Variants in YIPF2 observed in about 807,000 individuals in gnomAD.
The protein encoded by YIPF2 is protein YIPF2.
A neutral mutation model predicts 38.8 loss-of-function variants in YIPF2; 30 were observed. The ratio of observed to expected loss-of-function variants is 0.77; its 90% CI spans 0.58 to 1.05. YIPF2 has a LOEUF of 1.05. Ranked by LOEUF, YIPF2 falls within the 50% of genes least tolerant of loss-of-function variation. The pLI is 0.00. For synonymous variants in YIPF2, 194 were observed against 183.8 expected (o/e 1.06, Z -0.45); for missense variants, 401 against 409.7 (o/e 0.98, Z 0.18).
intron 2 of YIPF2, 137 bp from the exon 3 acceptor site, chr19:10,928,096 C>T: frequency 7.6e-7 from 1 of 1,319,694 alleles, no homozygotes; most frequent in South Asian, 1.4e-5. Context: ...GGCCCAACTT[C>T]CTCAGTTTGG....
intron 5 of YIPF2, 80 bp from the exon 6 acceptor site, chr19:10,924,272 T>A: frequency 7.5e-7 from 1 of 1,332,208 alleles, no homozygotes; most frequent in Non-Finnish European, 1.0e-6. Flanking sequence ...TGAGCTGTGC[T>A]GAGACCCCAG....
rs895714221 is a variant in YIPF2 at position 10,922,951 on chromosome 19, G to C, written c.*243C>G. 2 of 204,360 alleles carry C rather than the reference G, an allele frequency of 9.8e-6. No homozygotes were observed. Among genetic ancestry groups the C allele is most frequent in the African/African-American group, 2.4e-5 (1 of 42,152 alleles). The allele number at this position is 204,360 out of a possible 1,614,324, so 12.7% of individuals were successfully genotyped here. ...CCATAGGAGGGAAAGCAGGTGGCCCGGGGGGGATATGGGGGCCCCAGCCCT... is the reference window on the plus strand; with the variant it reads ...CCATAGGAGGGAAAGCAGGTGGCCCCGGGGGGATATGGGGGCCCCAGCCCT... On this transcript the variant is annotated 3_prime_UTR_variant, in exon 10 of 10. Coordinates refer to ENST00000586748, the MANE Select transcript of YIPF2 (RefSeq NM_001321439.2).
chr19:10,927,111 G>A lies in YIPF2; in HGVS notation c.279+519C>T, dbSNP rs561405827. On this transcript the variant is annotated intron_variant, in intron 4 of 9. Coordinates refer to ENST00000586748, the MANE Select transcript of YIPF2 (RefSeq NM_001321439.2). The stretch of plus-strand genomic sequence containing the variant: ...TGGTCTCAAACTCCTGACCTCAGGT[G>A]ATCCACCCACCCAGGCCTCTCAAAG... 1.2e-3 allele frequency among the ~76,000 whole-genome samples: 184 copies of A among 152,228 alleles called. 4 individuals carry two copies. In the South Asian group the frequency reaches 0.037, roughly 31 times the overall value.
rs1937949252 is a variant in YIPF2 at position 10,922,522 on chromosome 19, G to A, written c.*672C>T. 6.7e-6 allele frequency: 1 copy of A among 150,212 alleles called. No homozygotes were observed. Among genetic ancestry groups the A allele is most frequent in the Non-Finnish European group, 1.5e-5 (1 of 67,572 alleles). 9.3% of individuals were successfully genotyped at this position (150,212 alleles called of 1,614,324 possible). On this transcript the variant is annotated 3_prime_UTR_variant, in exon 10 of 10. Coordinates refer to ENST00000586748, the MANE Select transcript of YIPF2 (RefSeq NM_001321439.2). ...GTGGCTGCAGGCCTTGGGCCCGGAG[G>A]GAAGGCCACTGCCGGCCACTTGGGG...
intron 4 of YIPF2, among the ~76,000 whole-genome samples, chr19:10,926,868 T>C (rs1599726774): frequency 1.3e-5 from 2 of 151,602 alleles, no homozygotes; most frequent in Non-Finnish European, 1.5e-5. Flanking sequence ...TTTTATTTTA[T>C]TTATCTTATT....
chr19:10,925,657 C>G, intron 5 of YIPF2, 29 bp downstream of exon 5: 1 of 1,613,410 alleles, frequency 6.2e-7, no homozygotes, highest in Non-Finnish European at 8.5e-7. Context: ...AGTGATCCAT[C>G]AAGGAACCAA....
intron 4 of YIPF2, among the ~76,000 whole-genome samples, chr19:10,926,035 C>T (rs571592705): frequency 6.6e-6 from 1 of 151,738 alleles, no homozygotes; most frequent in Non-Finnish European, 1.5e-5. Flanking sequence ...CTCAGCCACC[C>T]GAGTAGCTGG....
In YIPF2 at chr19:10,928,455, C is replaced by T. The variant is rs996825424; in HGVS notation, c.-30-15G>A. 5.9e-6 allele frequency: 8 copies of T among 1,354,596 alleles called. No individual in the cohort carries two copies. The highest frequency in any genetic ancestry group is 7.5e-5 in the Admixed American group (2 of 26,766). The allele number at this position is 1,354,596 out of a possible 1,614,324, so 83.9% of individuals were successfully genotyped here. On this transcript the variant is annotated splice_polypyrimidine_tract_variant and intron_variant, in intron 1 of 9. Coordinates refer to ENST00000586748, the MANE Select transcript of YIPF2 (RefSeq NM_001321439.2). ...CGCATCCCTCGCTGAGGACAGAGAC[C>T]GGTCAGGCACACTTCCCCCCCGCCC... is the stretch of plus-strand genomic sequence containing the variant.
rs576853858 is a variant in YIPF2, at chr19:10,925,919, T to A, written c.280-146A>T. 6.7e-4 allele frequency: 515 copies of A among 773,368 alleles called. 1 individual carries two copies. The highest frequency in any genetic ancestry group is 1.5e-3 in the South Asian group (78 of 52,858). 47.9% of individuals were successfully genotyped at this position (773,368 alleles called of 1,614,324 possible). On this transcript the variant is annotated intron_variant, in intron 4 of 9. Coordinates refer to ENST00000586748, the MANE Select transcript of YIPF2 (RefSeq NM_001321439.2). ...CCTTTCCCTCTCTTTTTTTTTTTTT[T>A]TTTTTTTGAGACAGAGTCTTGCTCT...
Position 10,923,511 on chromosome 19 carries a change from A to G in YIPF2, c.818T>C (p.Leu273Pro). 6.2e-7 allele frequency: 1 copy of G among 1,612,766 alleles called. No individual in the cohort carries two copies. Among genetic ancestry groups the G allele is most frequent in the Non-Finnish European group, 8.5e-7 (1 of 1,179,688 alleles). Residue 273 changes from leucine to proline, a missense_variant, in exon 8 of 10, where the codon CTG becomes CCG. Coordinates refer to ENST00000586748, the MANE Select transcript of YIPF2 (RefSeq NM_001321439.2). ...LSVVVLLHAL[L>P]AMGCKLYFFQ... Reference sequence around the variant, plus strand: ...GACCCGTACCTTACAGCCCATGGCCAGGAGGGCGTGGAGCAGCACGACCAC... The same window carrying G: ...GACCCGTACCTTACAGCCCATGGCCGGGAGGGCGTGGAGCAGCACGACCAC...
chr19:10,924,288 TC>T (rs1369877583), intron 5 of YIPF2, 96 bp from the exon 6 acceptor site: 1 of 1,167,950 alleles, frequency 8.6e-7, no homozygotes, highest in Non-Finnish European at 1.2e-6. Flanking sequence ...CCCAGCCTCT[TC>T]CTAAGCACCT....
chr19:10,928,155 CT>C (rs1228519935), intron 2 of YIPF2, among the ~76,000 whole-genome samples, 196 bp from the exon 3 acceptor site: 1 of 148,114 alleles, frequency 6.8e-6, no homozygotes, highest in African/African-American at 2.5e-5. Context: ...GGAACTGCAA[CT>C]TAGGGTTGAC....
intron 4 of YIPF2, among the ~76,000 whole-genome samples, chr19:10,926,210 C>T (rs746476607): frequency 4.0e-5 from 6 of 151,336 alleles, no homozygotes; most frequent in Non-Finnish European, 8.8e-5. Context: ...CGTTCCCAGC[C>T]CCCTCTTTTT....
Position 10,923,852 on chromosome 19 carries a change from A to C in YIPF2, c.632T>G (p.Phe211Cys), listed in dbSNP as rs887963582. 1 of 1,612,810 alleles carries C rather than the reference A, an allele frequency of 6.2e-7. No homozygotes were observed. Among genetic ancestry groups the C allele is most frequent in the Non-Finnish European group, 8.5e-7 (1 of 1,179,304 alleles). The change falls in exon 7 of 10, where the codon TTT becomes TGT. Residue 211 changes from phenylalanine to cysteine, a missense_variant. Phe to Cys is a radical substitution (Grantham distance 205, BLOSUM62 -2). Transcript: ENST00000586748. ...ETVCIYGYSL[F>C]VFIPMVVLWL... ...ACTCACCACCATGGGGATGAAGACA[A>C]AGAGGGAGTAGCCGTAGATGCACAC... is the stretch of plus-strand genomic sequence containing the variant.
intron 4 of YIPF2, 66 bp downstream of exon 4, chr19:10,927,564 A>C: frequency 6.3e-7 from 1 of 1,580,966 alleles, no homozygotes; most frequent in Non-Finnish European, 8.6e-7. Context: ...CACCCTGCCC[A>C]GGGGAAGAGT....
chr19:10,923,470 A>G (rs1451262861), intron 8 of YIPF2, 25 bp downstream of exon 8: 1 of 1,612,656 alleles, frequency 6.2e-7, no homozygotes, highest in Non-Finnish European at 8.5e-7. Flanking sequence ...CCTCGGCCCC[A>G]CCTGTGGCCA....
chr19:10,926,058 G>A (rs950768056), intron 4 of YIPF2, among the ~76,000 whole-genome samples: 1 of 151,708 alleles, frequency 6.6e-6, no homozygotes, highest in Non-Finnish European at 1.5e-5. Flanking sequence ...TTACAGGCGT[G>A]TGCCACCACG....
chr19:10,928,106 G>A (rs2083455629), intron 2 of YIPF2, 147 bp from the exon 3 acceptor site: 1 of 1,195,538 alleles, frequency 8.4e-7, no homozygotes, highest in Non-Finnish European at 1.2e-6. Context: ...CCTCAGTTTG[G>A]AGGCATCCGG....
intron 4 of YIPF2, among the ~76,000 whole-genome samples, chr19:10,927,421 C>T (rs1568365498): frequency 6.6e-6 from 1 of 152,184 alleles, no homozygotes; most frequent in African/African-American, 2.4e-5. Context: ...TTCCTCACCT[C>T]CCCCAGGAGG....
Sources: allele counts gnomAD v4.1 joint callset (sites outside exome capture counted in the v4.1 genomes callset), GRCh38; gene constraint gnomAD v4.1.1; transcripts MANE v1.5; gene names NCBI Gene and HGNC (gene_info 2026-07-23, HGNC 2026-07-21).